The following WNT7B variants were observed in gnomAD, a reference collection of about 807,000 sequenced individuals.
The protein encoded by WNT7B is protein Wnt-7b.
In WNT7B, 19 loss-of-function variants were observed where a neutral mutation model predicts 38.2. The observed-to-expected ratio is 0.50, with a 90% CI of 0.35 to 0.73. The LOEUF (loss-of-function observed/expected upper bound fraction) is 0.73, where lower values mean the gene tolerates loss of function less well. Ranked by LOEUF, WNT7B falls within the 30% of genes least tolerant of loss-of-function variation. The pLI is 0.01. For synonymous variants in WNT7B, 243 were observed against 209.3 expected (o/e 1.16, Z -1.39); for missense variants, 423 against 507.9 (o/e 0.83, Z 1.61).
At chr22:45,954,668 G>A (rs1932019611) in intron 1 of WNT7B, 1 of 985,150 alleles carries the variant, frequency 1.0e-6, no homozygotes, top group Non-Finnish European at 1.2e-6. Context: ...ACAGGCTCCT[G>A]CACTGTATTT....
At chr22:45,960,630 C>T (rs990182882) in intron 1 of WNT7B, among the ~76,000 whole-genome samples, 6 of 152,234 alleles carry the variant, frequency 3.9e-5, no homozygotes, top group East Asian at 1.9e-4. Flanking sequence ...TGGCCCGGGG[C>T]GCTTTGTAAT....
At chr22:45,934,645 G>A (rs1372731731) in intron 2 of WNT7B, among the ~76,000 whole-genome samples, 1 of 152,192 alleles carries the variant, frequency 6.6e-6, no homozygotes, top group African/African-American at 2.4e-5. Flanking sequence ...CCACGGCTGG[G>A]TTTGCACCCT....
intron 2 of WNT7B, among the ~76,000 whole-genome samples, chr22:45,932,487 C>T (rs1931397097): frequency 6.6e-6 from 1 of 152,168 alleles, no homozygotes; most frequent in African/African-American, 2.4e-5. Context: ...TCCGGACACC[C>T]TCTCCCTGGT....
chr22:45,947,752 G>A (rs180767639), intron 2 of WNT7B, among the ~76,000 whole-genome samples: 19 of 152,342 alleles, frequency 1.2e-4, no homozygotes, highest in African/African-American at 4.3e-4. Flanking sequence ...GATCAAGGGT[G>A]TGAGGTGAGG....
chr22:45,930,367 G>A (rs1203976316), intron 3 of WNT7B, among the ~76,000 whole-genome samples: 2 of 152,262 alleles, frequency 1.3e-5, no homozygotes, highest in Non-Finnish European at 2.9e-5. Flanking sequence ...AGGCTCTGCT[G>A]CCCTGGGTGC....
At chr22:45,972,248 C>T (rs1393573899) in intron 1 of WNT7B, 2 of 640,384 alleles carry the variant, frequency 3.1e-6, no homozygotes, top group Non-Finnish European at 2.9e-6. Flanking sequence ...GGTGGGCCGG[C>T]GTGCCTGGCG....
At position 45,923,023 on chromosome 22, in the gene WNT7B, T is replaced by C; in HGVS notation, c.883A>G (p.Asn295Asp). The C allele has an allele frequency of 6.2e-7, 1 of 1,612,898 alleles. No individual in the cohort carries two copies. Among genetic ancestry groups the C allele is most frequent in the South Asian group, 1.1e-5 (1 of 91,054 alleles). Residue 295 changes from asparagine (N) to aspartate (D), a missense_variant, in exon 4 of 4, where the codon AAC becomes GAC. Asn to Asp is a conservative substitution (Grantham distance 23). This residue lies in a region of WNT7B where 158 missense variants were observed against 214.7 expected (regional missense o/e 0.74). Coordinates refer to ENST00000339464, the MANE Select transcript of WNT7B (RefSeq NM_058238.3). ...GSVGTQGRLCNRTSPGADGCD... is the reference protein window; with the variant it reads ...GSVGTQGRLCDRTSPGADGCD... ...CCGTCCGCGCCGGGCGACGTGCGGT[T>C]GCAGAGACGGCCCTGCGTGCCCACG...
intron 2 of WNT7B, among the ~76,000 whole-genome samples, chr22:45,941,160 C>T (rs1931636438): frequency 6.6e-6 from 1 of 152,150 alleles, no homozygotes; most frequent in African/African-American, 2.4e-5. Context: ...CTCAGAGTCT[C>T]AGCGTAGAGC....
chr22:45,923,384 C>A (rs1350892842), intron 3 of WNT7B, 49 bp from the exon 4 acceptor site: 3 of 1,548,432 alleles, frequency 1.9e-6, no homozygotes, highest in Middle Eastern at 1.9e-4. Flanking sequence ...CAAGCTGGGC[C>A]CCTCTAGGTT....
Position 45,923,084 on chromosome 22 carries a change from C to T in WNT7B, c.822G>A (p.Ser274=), listed in dbSNP as rs373897406. 2.7e-5 allele frequency: 43 copies of T among 1,613,404 alleles called. No homozygotes were observed. The Middle Eastern group carries it at 8.2e-4, about 31-fold the overall frequency. ...CCGCGTCCTCCTCGCAGTAGTTGGG[C>T]GACTTCTCAATGTACACCAGGTCTG... is the stretch of plus-strand genomic sequence containing the variant. ...METDLVYIEK[S]PNYCEEDAAT... is the part of the protein sequence containing the mutation. The change falls in exon 4 of 4, where the codon TCG becomes TCA. Residue 274 remains serine (S), a synonymous_variant. Coordinates refer to ENST00000339464, the MANE Select transcript of WNT7B (RefSeq NM_058238.3).
chr22:45,976,759 C>T lies in WNT7B; in HGVS notation c.-5G>A. Reference sequence around the variant, plus strand: ...CTTGCGAAAGTTTCTGTGCATGATCCAGGGAGGGGGGCTGCGCCATAGACA... The same window carrying T: ...CTTGCGAAAGTTTCTGTGCATGATCTAGGGAGGGGGGCTGCGCCATAGACA... On this transcript the variant is annotated 5_prime_UTR_variant, in exon 1 of 4. Transcript: ENST00000339464. This position sits in a 1 kb window ranked among gnomAD's most constrained non-coding sequence, Gnocchi z 8.5. 1.2e-6 allele frequency: 2 copies of T among 1,606,068 alleles called. No homozygotes were observed. The highest frequency in any genetic ancestry group is 1.7e-6 in the Non-Finnish European group (2 of 1,175,546).
In WNT7B at chr22:45,951,462, C is replaced by T. The variant is rs1275727760; in HGVS notation, c.72-1316G>A. 3.3e-5 allele frequency among the ~76,000 whole-genome samples: 5 copies of T among 150,336 alleles called. No homozygotes were observed. The highest frequency in any genetic ancestry group is 7.4e-5 in the Non-Finnish European group (5 of 67,982). ...ACAGTTCTGTGGCATTTAATACATT[C>T]GGTGTTGTGCAACCTCCAGCACCGT... On this transcript the variant is annotated intron_variant, in intron 1 of 3. Coordinates refer to ENST00000339464, the MANE Select transcript of WNT7B (RefSeq NM_058238.3). This position sits in a 1 kb window ranked among gnomAD's most constrained non-coding sequence, Gnocchi z 4.8.
In WNT7B at chr22:45,977,035, C is replaced by G. The variant is rs1932567709; in HGVS notation, c.-281G>C. 1 of 984,476 alleles carries G rather than the reference C, an allele frequency of 1.0e-6. No homozygotes were observed. The highest frequency in any genetic ancestry group is 1.2e-6 in the Non-Finnish European group (1 of 829,762). The allele number at this position is 984,476 out of a possible 1,614,324, so 61.0% of individuals were successfully genotyped here. A position where few individuals can be genotyped will look rare whatever the true frequency, so the allele number is the denominator to read the frequency against. ...ACCGTGGACCCCTGCAAGCGCGGGC[C>G]GGGGGCCCGGGCGCGGCTGGCGGGC... On this transcript the variant is annotated 5_prime_UTR_variant, in exon 1 of 4. Transcript: ENST00000339464.
At chr22:45,972,266 A>T in intron 1 of WNT7B, 1 of 616,380 alleles carries the variant, frequency 1.6e-6, no homozygotes, top group Non-Finnish European at 3.0e-6. Context: ...GCGGGGCTGA[A>T]CAGGCTCCGC....
In WNT7B at chr22:45,942,893, G is replaced by A. The variant is rs148966113; in HGVS notation, c.298+7027C>T. Among the ~76,000 whole-genome samples, 259 of 151,254 alleles carry A rather than the reference G, an allele frequency of 1.7e-3. 1 individual carries two copies. Among genetic ancestry groups the A allele is most frequent in the East Asian group, 2.0e-3 (10 of 5,094 alleles). ...TGTGCGTGTGTGCATGTATGTGCGT[G>A]TGTGTGCGCGCGTGTGTGCAGTGTG... On this transcript the variant is annotated intron_variant, in intron 2 of 3. Transcript: ENST00000339464.
intron 2 of WNT7B, among the ~76,000 whole-genome samples, chr22:45,939,641 A>ACACACACACC (rs1336636009): frequency 6.8e-6 from 1 of 147,810 alleles, no homozygotes; most frequent in East Asian, 2.0e-4. Context: ...AAACACACAC[A>ACACACACACC]CACACACTCA....
At chr22:45,972,116 G>GGCCCCCCCCCCCCCCCCCCCCCCC in intron 1 of WNT7B, 3 of 530,732 alleles carry the variant, frequency 5.7e-6, no homozygotes, top group Non-Finnish European at 9.9e-6. Flanking sequence ...CCCGGGGGGA[G>GGCCCCCCCCCCCCCCCCCCCCCCC]CCCACCCGCC....
At chr22:45,953,259 TTCCCCTCACAGTCACCGTGTCCTC>T (rs1211601451) in intron 1 of WNT7B, among the ~76,000 whole-genome samples, 18 of 146,998 alleles carry the variant, frequency 1.2e-4, no homozygotes, top group Non-Finnish European at 2.1e-4. Flanking sequence ...TGTCCTCGGC[TTCCCCTCACAGTCACCGTGTCCTC>T]GGCTTCCTCT....
At chr22:45,931,823 T>C (rs1209121033) in intron 2 of WNT7B, among the ~76,000 whole-genome samples, 2 of 152,120 alleles carry the variant, frequency 1.3e-5, no homozygotes, top group Middle Eastern at 3.4e-3. Context: ...AACGGGCATT[T>C]GCACTGACCC....
Sources: allele counts gnomAD v4.1 joint callset (sites outside exome capture counted in the v4.1 genomes callset), GRCh38; gene constraint gnomAD v4.1.1; regional missense constraint gnomAD v4.1.1; non-coding constraint Gnocchi (gnomAD v3.1); transcripts MANE v1.5; gene names NCBI Gene and HGNC (gene_info 2026-07-23, HGNC 2026-07-21).